The following SGCD variants were observed in gnomAD, a reference collection of about 807,000 sequenced individuals.
SGCD encodes delta-sarcoglycan.
A neutral mutation model predicts 36.6 loss-of-function variants in SGCD; 18 were observed. The ratio of observed to expected loss-of-function variants is 0.49; its 90% confidence interval spans 0.34 to 0.73. The LOEUF is 0.73. Among genes scored for constraint, SGCD ranks in the 30% least tolerant of loss-of-function variants. The pLI, the probability that SGCD is intolerant of heterozygous loss-of-function variation, is 0.01. For synonymous variants in SGCD, 133 were observed against 130.6 expected (o/e 1.02, Z -0.12); for missense variants, 387 against 346.7 (o/e 1.12, Z -0.92).
chr5:156,004,734 T>C (rs1758724891), intron 1 of SGCD, among the ~76,000 whole-genome samples: 1 of 152,208 alleles, frequency 6.6e-6, no homozygotes, highest in South Asian at 2.1e-4. Flanking sequence ...TATAAACTAT[T>C]TGTATGTAGT....
At chr5:156,185,337 C>A (rs1364116318) in intron 3 of SGCD, among the ~76,000 whole-genome samples, 1 of 151,500 alleles carries the variant, frequency 6.6e-6, no homozygotes, top group Non-Finnish European at 1.5e-5. Flanking sequence ...GTCTCAGCCT[C>A]CCGAGTAGCT....
At chr5:156,157,284 G>A (rs1972774) in intron 3 of SGCD, among the ~76,000 whole-genome samples, 97,009 of 151,470 alleles carry the variant, frequency 0.64, 32,044 homozygotes, top group East Asian at 0.94. Context: ...TAGTCTTCAC[G>A]TGCACTATGG....
At chr5:156,574,624 GT>G (rs549209881) in intron 4 of SGCD, among the ~76,000 whole-genome samples, 1 of 151,642 alleles carries the variant, frequency 6.6e-6, no homozygotes, top group Non-Finnish European at 1.5e-5. Context: ...TGGGCTTTGG[GT>G]TTTTTTTCCC....
the SGCD span, among the ~76,000 whole-genome samples, chr5:155,778,176 T>C: frequency 1.3e-5 from 2 of 152,178 alleles, no homozygotes; most frequent in South Asian, 4.1e-4. Flanking sequence ...CACAGCATTC[T>C]AGGATAATGC....
intron 3 of SGCD, among the ~76,000 whole-genome samples, chr5:156,357,936 T>G (rs1769574302): frequency 6.6e-6 from 1 of 152,194 alleles, no homozygotes; most frequent in Non-Finnish European, 1.5e-5. Context: ...AACACTGACT[T>G]TCTGCAGAAT....
At chr5:156,123,336 T>C (rs1366255529) in intron 2 of SGCD, among the ~76,000 whole-genome samples, 1 of 151,954 alleles carries the variant, frequency 6.6e-6, no homozygotes, top group Non-Finnish European at 1.5e-5. Flanking sequence ...TGTTGGAAAT[T>C]GGGAGGTTGA....
chr5:156,000,784 T>A (rs1025007582), intron 1 of SGCD, among the ~76,000 whole-genome samples: 18 of 148,070 alleles, frequency 1.2e-4, no homozygotes, highest in Non-Finnish European at 2.4e-4. Context: ...AAACACATAT[T>A]TTTTTTTCCT....
At chr5:156,574,355 G>C (rs1031925003) in intron 4 of SGCD, among the ~76,000 whole-genome samples, 1 of 152,086 alleles carries the variant, frequency 6.6e-6, no homozygotes, top group East Asian at 1.9e-4. Context: ...AAGTCCAGAG[G>C]TACAAACATG....
At chr5:156,672,499 A>G (rs929955202) in intron 7 of SGCD, among the ~76,000 whole-genome samples, 1 of 152,172 alleles carries the variant, frequency 6.6e-6, no homozygotes, top group Non-Finnish European at 1.5e-5. Context: ...GGGCCTGGCC[A>G]TGAATTTACA....
chr5:156,128,496 A>G (rs1762234454), intron 3 of SGCD, among the ~76,000 whole-genome samples: 2 of 152,194 alleles, frequency 1.3e-5, no homozygotes, highest in African/African-American at 4.8e-5. Context: ...AAAATGGATA[A>G]ACTCTTACAT....
chr5:156,253,839 G>C (rs1369224188), intron 3 of SGCD, among the ~76,000 whole-genome samples: 3 of 152,138 alleles, frequency 2.0e-5, no homozygotes. Flanking sequence ...TACTTGGACA[G>C]TTTACTTAAG....
chr5:156,671,377 A>AT (rs1191877221), intron 7 of SGCD, among the ~76,000 whole-genome samples: 1 of 149,104 alleles, frequency 6.7e-6, no homozygotes, highest in Non-Finnish European at 1.5e-5. Flanking sequence ...GGTTCAAGTG[A>AT]TTCTCCCGCC....
intron 3 of SGCD, among the ~76,000 whole-genome samples, chr5:156,160,536 A>G (rs951852809): frequency 3.3e-5 from 5 of 151,732 alleles, no homozygotes; most frequent in Non-Finnish European, 7.4e-5. Flanking sequence ...TTCAGTTCAT[A>G]TAAGAGGGTA....
chr5:156,271,881 C>G (rs1766191423), intron 3 of SGCD, among the ~76,000 whole-genome samples: 1 of 152,148 alleles, frequency 6.6e-6, no homozygotes, highest in Admixed American at 6.6e-5. Flanking sequence ...GATAAATAAA[C>G]TTGACTTCTG....
At chr5:156,706,331 G>A (rs1754739808) in intron 7 of SGCD, among the ~76,000 whole-genome samples, 1 of 152,122 alleles carries the variant, frequency 6.6e-6, no homozygotes, top group African/African-American at 2.4e-5. Context: ...GACAGTAAAA[G>A]TTGGGTCCTT....
chr5:156,012,668 A>G (rs1193739081), intron 1 of SGCD, among the ~76,000 whole-genome samples: 1 of 149,868 alleles, frequency 6.7e-6, no homozygotes, highest in African/African-American at 2.5e-5. Flanking sequence ...GCTGGAGTGC[A>G]GTGGTGGGAT....
At chr5:156,089,522 CT>C (rs567808299) in intron 1 of SGCD, among the ~76,000 whole-genome samples, 215 of 152,274 alleles carry the variant, frequency 1.4e-3, no homozygotes, top group Non-Finnish European at 2.4e-3. Context: ...CTTTGGCTAC[CT>C]CTGTAACTCT....
At chr5:156,750,981 C>T (rs193246971) in intron 7 of SGCD, among the ~76,000 whole-genome samples, 3 of 152,138 alleles carry the variant, frequency 2.0e-5, no homozygotes, top group Non-Finnish European at 4.4e-5. Context: ...TGAATCCCAT[C>T]CAAATTCCAA....
intron 1 of SGCD, among the ~76,000 whole-genome samples, chr5:156,020,618 G>A (rs1759077188): frequency 6.6e-6 from 1 of 152,086 alleles, no homozygotes; most frequent in Non-Finnish European, 1.5e-5. Context: ...TAGCAATGAG[G>A]ATATTTTCAA....
Sources: gnomAD v4.1 joint callset for allele counts (sites outside exome capture counted in the v4.1 genomes callset) on GRCh38, gnomAD v4.1.1 for gene constraint, MANE v1.5 for transcripts, NCBI Gene and HGNC (gene_info 2026-07-23, HGNC 2026-07-21) for gene names.